NRF1: variants seen among roughly 807,000 people sequenced by gnomAD.
NRF1 encodes alpha palindromic-binding protein.
In NRF1, 5 loss-of-function variants were observed where a neutral mutation model predicts 58.5. The ratio of observed to expected loss-of-function variants is 0.09; its 90% confidence interval spans 0.04 to 0.18. The LOEUF is 0.18. Ranked by LOEUF, NRF1 falls within the 10% of genes least tolerant of loss-of-function variation. The pLI, the probability that NRF1 is intolerant of heterozygous loss-of-function variation, is 1.00. For missense variants in NRF1, 288 were observed against 657.7 expected (o/e 0.44, Z 6.15); for synonymous variants, 224 against 246.7 (o/e 0.91, Z 0.86).
At chr7:129,686,101 C>CAAAAAAAA (rs540355035) in intron 4 of NRF1, among the ~76,000 whole-genome samples, 17 of 57,772 alleles carry the variant, frequency 2.9e-4, no homozygotes, top group Non-Finnish European at 6.2e-4. Context: ...GACTGTATCT[C>CAAAAAAAA]AAAAAAAAAA....
chr7:129,732,042 C>T (rs559983187), intron 10 of NRF1, among the ~76,000 whole-genome samples: 4 of 152,292 alleles, frequency 2.6e-5, no homozygotes, highest in Admixed American at 1.3e-4. Context: ...GTCCCCAGAA[C>T]CCCCTGTGTT....
chr7:129,651,693 G>T (rs1177720310), intron 1 of NRF1, among the ~76,000 whole-genome samples: 1 of 152,126 alleles, frequency 6.6e-6, no homozygotes, highest in Non-Finnish European at 1.5e-5. Context: ...TAAGCAGTTT[G>T]TCTCGAAGAA....
At chr7:129,657,607 AT>A (rs11446444) in intron 2 of NRF1, 33 bp downstream of exon 2, 50,564 of 976,164 alleles carry the variant, frequency 0.052, 9 homozygotes, top group East Asian at 0.075. Context: ...CTCTTCTTTA[AT>A]TTTTTTTTTT....
chr7:129,706,751 G>A (rs541677533), intron 5 of NRF1, among the ~76,000 whole-genome samples: 1 of 152,222 alleles, frequency 6.6e-6, no homozygotes, highest in African/African-American at 2.4e-5. Context: ...CCACGTCCAG[G>A]TGCCAACGTG....
chr7:129,719,237 A>T (rs1562982019), intron 9 of NRF1, among the ~76,000 whole-genome samples: 1 of 151,604 alleles, frequency 6.6e-6, no homozygotes, highest in Non-Finnish European at 1.5e-5. Flanking sequence ...GGTTCAAGTG[A>T]TTCTCCTGCC....
chr7:129,683,320 TGAGAGAGAGAGA>T (rs72404049), intron 4 of NRF1, among the ~76,000 whole-genome samples: 1 of 136,384 alleles, frequency 7.3e-6, no homozygotes, highest in Non-Finnish European at 1.5e-5. Flanking sequence ...TGTGTGTGTG[TGAGAGAGAGAGA>T]GAGAGAGAGA....
intron 10 of NRF1, among the ~76,000 whole-genome samples, chr7:129,745,506 A>C (rs1318807802): frequency 0.017 from 1,904 of 111,794 alleles, no homozygotes; most frequent in Non-Finnish European, 0.023. Flanking sequence ...ATCCCCCTCA[A>C]CCCCCCCCCC....
At chr7:129,616,203 A>G (rs1800656447) in intron 1 of NRF1, among the ~76,000 whole-genome samples, 1 of 152,260 alleles carries the variant, frequency 6.6e-6, no homozygotes, top group African/African-American at 2.4e-5. Flanking sequence ...ATGTTTTAAA[A>G]TGTGAACATT....
At chr7:129,702,599 C>G (rs1802852257) in intron 5 of NRF1, among the ~76,000 whole-genome samples, 1 of 152,156 alleles carries the variant, frequency 6.6e-6, no homozygotes, top group African/African-American at 2.4e-5. Context: ...CTTTAATGCC[C>G]TTTAAATATC....
chr7:129,711,877 A>C (rs1344660802), intron 8 of NRF1, among the ~76,000 whole-genome samples: 1 of 152,212 alleles, frequency 6.6e-6, no homozygotes, highest in Admixed American at 6.5e-5. Flanking sequence ...TGTGAATCCC[A>C]AAGAATTTCA....
At chr7:129,713,111 T>C (rs74514469) in intron 8 of NRF1, among the ~76,000 whole-genome samples, 7 of 150,222 alleles carry the variant, frequency 4.7e-5, no homozygotes, top group Non-Finnish European at 8.9e-5. Flanking sequence ...TTTTTTTTTT[T>C]CCTGAGACGG....
At chr7:129,694,969 A>G (rs1802653849) in intron 5 of NRF1, among the ~76,000 whole-genome samples, 1 of 152,248 alleles carries the variant, frequency 6.6e-6, no homozygotes, top group South Asian at 2.1e-4. Context: ...TGGTGTTTAG[A>G]ATTTATATAG....
intron 2 of NRF1, among the ~76,000 whole-genome samples, chr7:129,664,126 G>C (rs766654042): frequency 1.3e-5 from 2 of 151,746 alleles, no homozygotes; most frequent in Admixed American, 6.6e-5. Context: ...CAGTGGAGAC[G>C]GGAAAGGGGG....
rs1365129333 is a variant in NRF1, at chr7:129,690,389, C to T, written c.466-17C>T. The T allele has an allele frequency of 1.2e-6, 2 of 1,609,080 alleles. No homozygotes were observed. The highest frequency in any genetic ancestry group is 1.7e-5 in the Admixed American group (1 of 59,542). ...TTGTTGGGCATCTTGTTTACTTCTG[C>T]CCTTAATTCCCTGCAGGTGCGTAAG... On this transcript the variant is annotated splice_polypyrimidine_tract_variant and intron_variant, in intron 4 of 10. Transcript: ENST00000393232.
At chr7:129,742,287 A>AAAC (rs1284237112) in intron 10 of NRF1, among the ~76,000 whole-genome samples, 1 of 151,524 alleles carries the variant, frequency 6.6e-6, no homozygotes, top group Admixed American at 6.6e-5. Flanking sequence ...AAAAAAAAAA[A>AAAC]AAAAACAAAA....
chr7:129,646,133 C>T (rs969241325), intron 1 of NRF1, among the ~76,000 whole-genome samples: 10 of 152,186 alleles, frequency 6.6e-5, no homozygotes, highest in Admixed American at 2.0e-4. Flanking sequence ...CGTGAGCCAC[C>T]GCGCCAGGCC....
chr7:129,692,796 A>G (rs1802601770), intron 5 of NRF1, among the ~76,000 whole-genome samples: 1 of 151,904 alleles, frequency 6.6e-6, no homozygotes, highest in Admixed American at 6.6e-5. Flanking sequence ...TGCATCCGTT[A>G]TTTTGCTTTT....
At chr7:129,724,674 C>T (rs946406206) in intron 9 of NRF1, among the ~76,000 whole-genome samples, 5 of 152,150 alleles carry the variant, frequency 3.3e-5, no homozygotes, top group African/African-American at 4.8e-5. Flanking sequence ...GAATATTATT[C>T]GGCCTTTAAA....
chr7:129,711,035 G>A (rs1001284829), intron 7 of NRF1, among the ~76,000 whole-genome samples: 4 of 151,524 alleles, frequency 2.6e-5, no homozygotes, highest in African/African-American at 7.3e-5. Context: ...CTCCTGCCTC[G>A]GCCTCCTAAA....
Sources: allele counts gnomAD v4.1 joint callset (sites outside exome capture counted in the v4.1 genomes callset), GRCh38; gene constraint gnomAD v4.1.1; transcripts MANE v1.5; gene names NCBI Gene and HGNC (gene_info 2026-07-23, HGNC 2026-07-21).